The following ANKS1B variants were observed in gnomAD, a reference collection of about 807,000 sequenced individuals.
ANKS1B encodes the protein ankyrin repeat and sterile alpha motif domain-containing protein 1B.
A neutral mutation model predicts 148.3 loss-of-function variants in ANKS1B; 36 were observed. The observed-to-expected ratio is 0.24, with a 90% confidence interval of 0.19 to 0.32. ANKS1B has a LOEUF of 0.32. Among genes scored for constraint, ANKS1B ranks in the 10% least tolerant of loss-of-function variants. The pLI is 1.00. For synonymous variants in ANKS1B, 542 were observed against 560.8 expected (o/e 0.97, Z 0.47); for missense variants, 1,157 against 1,542.6 (o/e 0.75, Z 4.19).
intron 1 of ANKS1B, among the ~76,000 whole-genome samples, chr12:99,940,678 C>G (rs11110142): frequency 2.0e-5 from 3 of 151,988 alleles, no homozygotes; most frequent in African/African-American, 7.3e-5. Flanking sequence ...TACTAAGATA[C>G]GCAAAGTTGA....
intron 12 of ANKS1B, among the ~76,000 whole-genome samples, chr12:99,348,057 A>G (rs573193227): frequency 6.6e-6 from 1 of 152,046 alleles, no homozygotes; most frequent in Non-Finnish European, 1.5e-5. Flanking sequence ...AAATAAAAAA[A>G]TCTCTAGAAG....
intron 22 of ANKS1B, among the ~76,000 whole-genome samples, chr12:98,787,404 G>A (rs2098805261): frequency 6.6e-6 from 1 of 152,096 alleles, no homozygotes. Flanking sequence ...TTCCCTATAG[G>A]GAGCTCCTTG....
intron 17 of ANKS1B, among the ~76,000 whole-genome samples, chr12:98,872,130 CAA>C (rs1442418180): frequency 6.6e-6 from 1 of 152,134 alleles, no homozygotes; most frequent in East Asian, 1.9e-4. Context: ...CAAACACTAC[CAA>C]AGACTAAATA....
chr12:99,196,200 C>T (rs1211346766), intron 14 of ANKS1B, among the ~76,000 whole-genome samples: 2 of 152,096 alleles, frequency 1.3e-5, no homozygotes, highest in African/African-American at 4.8e-5. Context: ...TATAATCAGG[C>T]ATAACAATAA....
intron 9 of ANKS1B, among the ~76,000 whole-genome samples, chr12:98,738,960 T>C (rs2153350612): frequency 6.6e-6 from 1 of 152,304 alleles, no homozygotes; most frequent in Non-Finnish European, 1.5e-5. Flanking sequence ...GGAAGGGAGC[T>C]ACTATTTTTT....
chr12:99,835,621 A>G (rs2084725122), intron 1 of ANKS1B, among the ~76,000 whole-genome samples: 1 of 152,204 alleles, frequency 6.6e-6, no homozygotes, highest in African/African-American at 2.4e-5. Flanking sequence ...TACTGTTTTC[A>G]ATATTGGTGT....
intron 17 of ANKS1B, among the ~76,000 whole-genome samples, chr12:99,033,663 CAAA>C (rs771304039): frequency 7.1e-6 from 1 of 141,280 alleles, no homozygotes; most frequent in Non-Finnish European, 1.5e-5. Flanking sequence ...GACTCCATCT[CAAA>C]AAAAAAAAAA....
At chr12:99,464,512 C>CA (rs973797373) in intron 10 of ANKS1B, among the ~76,000 whole-genome samples, 2 of 152,032 alleles carry the variant, frequency 1.3e-5, no homozygotes, top group African/African-American at 4.8e-5. Context: ...GGAGGAAATT[C>CA]AAAGCAAAGG....
intron 17 of ANKS1B, among the ~76,000 whole-genome samples, chr12:99,031,141 C>T (rs532520821): frequency 1.4e-4 from 22 of 152,244 alleles, no homozygotes; most frequent in South Asian, 1.2e-3. Flanking sequence ...CATGGATACA[C>T]GATTTGAATA....
chr12:99,319,143 T>C (rs2084739237), intron 12 of ANKS1B, among the ~76,000 whole-genome samples: 1 of 152,208 alleles, frequency 6.6e-6, no homozygotes, highest in African/African-American at 2.4e-5. Flanking sequence ...GAAGAATGTA[T>C]ATTCTCTTGA....
chr12:99,638,644 T>G (rs11109963), intron 9 of ANKS1B, among the ~76,000 whole-genome samples: 21,049 of 152,168 alleles, frequency 0.14, 1,684 homozygotes, highest in Middle Eastern at 0.19. Context: ...ACCCATTTTC[T>G]GGGGAGAAAT....
chr12:99,495,231 T>C (rs544237562), intron 10 of ANKS1B, among the ~76,000 whole-genome samples: 1 of 152,242 alleles, frequency 6.6e-6, no homozygotes, highest in African/African-American at 2.4e-5. Flanking sequence ...TATTCCCACA[T>C]CATCAAATCA....
At chr12:99,807,172 A>G (rs1393478843) in intron 3 of ANKS1B, among the ~76,000 whole-genome samples, 2 of 152,208 alleles carry the variant, frequency 1.3e-5, no homozygotes, top group African/African-American at 4.8e-5. Flanking sequence ...GTTTCATTTT[A>G]TTTTCCATGT....
chr12:99,764,481 G>A (rs990566595), intron 8 of ANKS1B, among the ~76,000 whole-genome samples: 3 of 152,122 alleles, frequency 2.0e-5, no homozygotes, highest in African/African-American at 4.8e-5. Flanking sequence ...GGAGTGCAGT[G>A]GAGCTATCTT....
intron 12 of ANKS1B, among the ~76,000 whole-genome samples, chr12:99,371,543 G>GTGTATACTA (rs1296188690): frequency 2.0e-5 from 3 of 151,800 alleles, no homozygotes; most frequent in African/African-American, 7.2e-5. Context: ...CTAGGTCACA[G>GTGTATACTA]TACCCAGTAT....
intron 17 of ANKS1B, among the ~76,000 whole-genome samples, chr12:99,036,482 C>T (rs1365923896): frequency 1.3e-5 from 2 of 152,200 alleles, no homozygotes; most frequent in Non-Finnish European, 2.9e-5. Context: ...ATCTTACAAT[C>T]CACAGTGCCT....
At chr12:99,776,268 A>G (rs1296096895) in intron 6 of ANKS1B, among the ~76,000 whole-genome samples, 1 of 152,186 alleles carries the variant, frequency 6.6e-6, no homozygotes, top group Non-Finnish European at 1.5e-5. Context: ...ATACAGATAT[A>G]ATATTAGGAA....
chr12:99,317,467 T>C (rs530534541), intron 12 of ANKS1B, among the ~76,000 whole-genome samples: 3 of 152,270 alleles, frequency 2.0e-5, no homozygotes, highest in East Asian at 3.9e-4. Context: ...TCTCTGTTTG[T>C]CTGTGATTGG....
intron 9 of ANKS1B, among the ~76,000 whole-genome samples, chr12:99,634,800 C>T (rs1051710673): frequency 1.3e-5 from 2 of 152,022 alleles, no homozygotes; most frequent in African/African-American, 4.8e-5. Context: ...TAAAACTGTG[C>T]GTCAAGGGGA....
Sources: allele counts gnomAD v4.1 joint callset (sites outside exome capture counted in the v4.1 genomes callset), GRCh38; gene constraint gnomAD v4.1.1; transcripts MANE v1.5; gene names NCBI Gene and HGNC (gene_info 2026-07-23, HGNC 2026-07-21).